PCSK5: variants seen among roughly 807,000 people sequenced by gnomAD.
The protein encoded by PCSK5 is prohormone convertase 5.
PCSK5 carries 129 observed loss-of-function variants against 233.2 expected under a neutral mutation model. That is an observed-to-expected ratio of 0.55 (90% CI 0.48 to 0.64). PCSK5 has a LOEUF of 0.64. Among genes scored for constraint, PCSK5 ranks in the 30% least tolerant of loss-of-function variants. The pLI is 0.00. For synonymous variants in PCSK5, 825 were observed against 879.2 expected (o/e 0.94, Z 1.09); for missense variants, 2,076 against 2,430.1 (o/e 0.85, Z 3.06).
intron 9 of PCSK5, among the ~76,000 whole-genome samples, chr9:76,123,514 C>T (rs1399697454): frequency 2.0e-5 from 3 of 152,148 alleles, no homozygotes; most frequent in Non-Finnish European, 4.4e-5. Flanking sequence ...ATTTCCCTAT[C>T]TTTAATACCA....
rs372288748 is a variant in PCSK5, at chr9:76,031,577, A to T, written c.632+4540A>T. Among the ~76,000 whole-genome samples the T allele has an allele frequency of 1.6e-3, 242 of 152,196 alleles. 6 individuals carry two copies. The South Asian group carries it at 0.039, about 25-fold the overall frequency. On this transcript the variant is annotated intron_variant, in intron 5 of 37. Coordinates refer to ENST00000674117, the MANE Select transcript of PCSK5 (RefSeq NM_001372043.1). ...GGTGGCATGCACCTGTGGTCCCAGAAACTTGGGAGGCTGAGATAGAAGGAT... is the reference window on the plus strand; with the variant it reads ...GGTGGCATGCACCTGTGGTCCCAGATACTTGGGAGGCTGAGATAGAAGGAT...
intron 1 of PCSK5, among the ~76,000 whole-genome samples, chr9:75,925,705 G>T (rs1823455419): frequency 6.6e-6 from 1 of 152,172 alleles, no homozygotes; most frequent in Admixed American, 6.5e-5. Flanking sequence ...GGAAGGAGGT[G>T]CAAGGGCCCC....
intron 20 of PCSK5, among the ~76,000 whole-genome samples, chr9:76,208,224 C>T (rs987485009): frequency 6.6e-6 from 1 of 152,174 alleles, no homozygotes; most frequent in East Asian, 1.9e-4. Context: ...ACATTCAAAC[C>T]GTAGCAGGTC....
chr9:76,281,004 G>C (rs1827846753), intron 24 of PCSK5, among the ~76,000 whole-genome samples: 1 of 152,132 alleles, frequency 6.6e-6, no homozygotes, highest in African/African-American at 2.4e-5. Flanking sequence ...TGTAAGCTGA[G>C]AGAGGTAAGG....
chr9:76,046,199 A>G (rs1039213824), intron 5 of PCSK5, among the ~76,000 whole-genome samples: 12 of 61,246 alleles, frequency 2.0e-4, no homozygotes, highest in South Asian at 6.4e-4. Context: ...TTTTTTTGAG[A>G]CGGAGTCTCG....
intron 20 of PCSK5, chr9:76,209,482 A>G (rs370852927): frequency 1.8e-5 from 9 of 510,034 alleles, no homozygotes; most frequent in African/African-American, 1.2e-4. Flanking sequence ...ACTGTATCTC[A>G]GATGCCTGGA....
At chr9:76,049,902 T>A (rs1202252701) in intron 5 of PCSK5, among the ~76,000 whole-genome samples, 1 of 152,226 alleles carries the variant, frequency 6.6e-6, no homozygotes, top group Non-Finnish European at 1.5e-5. Flanking sequence ...TAACAAATAT[T>A]GAATGGTATC....
chr9:76,243,427 AG>A (rs920180174), intron 24 of PCSK5, among the ~76,000 whole-genome samples: 37 of 152,334 alleles, frequency 2.4e-4, no homozygotes, highest in African/African-American at 8.7e-4. Flanking sequence ...ACCACCAGAA[AG>A]GGTGACAAGA....
intron 2 of PCSK5, among the ~76,000 whole-genome samples, chr9:75,952,170 C>T (rs1162334493): frequency 6.6e-6 from 1 of 152,118 alleles, no homozygotes; most frequent in Non-Finnish European, 1.5e-5. Flanking sequence ...CATCCACTTC[C>T]CCCTAAATAC....
intron 20 of PCSK5, chr9:76,209,425 G>A (rs1002279795): frequency 6.3e-6 from 3 of 473,400 alleles, no homozygotes; most frequent in African/African-American, 2.0e-5. Context: ...TATCTCCTGT[G>A]TTATGATGTA....
At chr9:76,351,423 C>T (rs1171558351) in intron 36 of PCSK5, among the ~76,000 whole-genome samples, 2 of 66,034 alleles carry the variant, frequency 3.0e-5, no homozygotes, top group Admixed American at 1.5e-4. Flanking sequence ...CCAGAAACCG[C>T]CCCCCCCTGC....
intron 2 of PCSK5, among the ~76,000 whole-genome samples, chr9:75,969,167 A>G (rs1399969813): frequency 1.3e-5 from 2 of 152,226 alleles, no homozygotes; most frequent in South Asian, 4.1e-4. Context: ...TCAACTTTAC[A>G]TAGCTATAAT....
At chr9:76,289,494 C>CA (rs1554717432) in intron 24 of PCSK5, among the ~76,000 whole-genome samples, 1 of 128,054 alleles carries the variant, frequency 7.8e-6, no homozygotes, top group Non-Finnish European at 1.7e-5. Flanking sequence ...CACACACACA[C>CA]ACACACACAC....
chr9:76,194,570 T>C (rs1332832959), intron 20 of PCSK5: 3 of 293,164 alleles, frequency 1.0e-5, no homozygotes, highest in East Asian at 9.8e-5. Flanking sequence ...TATATGCTGG[T>C]CCACTGAATG....
Position 75,961,294 on chromosome 9 carries a change from G to A in PCSK5, c.298-24838G>A, listed in dbSNP as rs1247297327. Among the ~76,000 whole-genome samples the A allele has an allele frequency of 2.6e-5, 4 of 152,342 alleles. No homozygotes were observed. The East Asian group carries it at 7.7e-4, about 29-fold the overall frequency. On this transcript the variant is annotated intron_variant, in intron 2 of 37. Transcript: ENST00000674117. The stretch of plus-strand genomic sequence containing the variant: ...TTGCTACAAAGTGATTTAAGCTCCT[G>A]AGGAAATCTATGAAATTTAAGGCCT...
At chr9:76,183,135 C>T (rs1045490886) in intron 16 of PCSK5, among the ~76,000 whole-genome samples, 3 of 152,106 alleles carry the variant, frequency 2.0e-5, no homozygotes, top group African/African-American at 7.2e-5. Flanking sequence ...GGAAAAAAGT[C>T]AAAATTCTAT....
Position 75,891,393 on chromosome 9 carries a change from C to A in PCSK5, c.192+20C>A. The A allele has an allele frequency of 6.5e-7, 1 of 1,535,654 alleles. No homozygotes were observed. Among genetic ancestry groups the A allele is most frequent in the Non-Finnish European group, 8.7e-7 (1 of 1,147,332 alleles). On this transcript the variant is annotated intron_variant, in intron 1 of 37. Coordinates refer to ENST00000674117, the MANE Select transcript of PCSK5 (RefSeq NM_001372043.1). ...GGACAGGTAACGAACTACAGGCTAG[C>A]CCAGCCCTCGGCCCTGAAGCCACTG...
At chr9:76,219,250 C>T (rs1825643575) in intron 20 of PCSK5, among the ~76,000 whole-genome samples, 1 of 152,112 alleles carries the variant, frequency 6.6e-6, no homozygotes, top group Non-Finnish European at 1.5e-5. Context: ...GATGAGCCAG[C>T]ACTTTCTATG....
chr9:76,144,320 TA>T (rs1294817729), intron 10 of PCSK5, among the ~76,000 whole-genome samples: 1 of 152,204 alleles, frequency 6.6e-6, no homozygotes, highest in Non-Finnish European at 1.5e-5. Context: ...ACAGCCAAAG[TA>T]GAAGATATGT....
Sources: allele counts gnomAD v4.1 joint callset (sites outside exome capture counted in the v4.1 genomes callset), GRCh38; gene constraint gnomAD v4.1.1; transcripts MANE v1.5; gene names NCBI Gene and HGNC (gene_info 2026-07-23, HGNC 2026-07-21).